The following KLHL22 variants were observed in gnomAD, a reference collection of about 807,000 sequenced individuals.
The protein encoded by KLHL22 is kelch-like protein 22.
KLHL22 carries 18 observed loss-of-function variants against 60.7 expected under a neutral mutation model. That is an observed-to-expected ratio of 0.30 (90% CI 0.20 to 0.44). KLHL22 has a LOEUF of 0.44. Ranked by LOEUF, KLHL22 falls within the 20% of genes least tolerant of loss-of-function variation. The pLI is 1.00. For missense variants in KLHL22, 596 were observed against 852.3 expected (o/e 0.70, Z 3.74); for synonymous variants, 355 against 354.5 (o/e 1.00, Z -0.01).
At chr22:20,477,021 C>A (rs887331114) in intron 2 of KLHL22, among the ~76,000 whole-genome samples, 1 of 151,226 alleles carries the variant, frequency 6.6e-6, no homozygotes, top group Non-Finnish European at 1.5e-5. Context: ...CAAACTTTTA[C>A]CATTTTAAGA....
chr22:20,486,184 A>AG (rs2053584925), intron 2 of KLHL22, among the ~76,000 whole-genome samples: 1 of 151,704 alleles, frequency 6.6e-6, no homozygotes, highest in South Asian at 2.1e-4. Flanking sequence ...AAAAAAAAAA[A>AG]AGAAATTTAT....
rs2053211572 is a variant in KLHL22, at chr22:20,465,079, G to A, written c.891C>T (p.Phe297=). Residue 297 remains phenylalanine (F), a synonymous_variant, in exon 4 of 7, where the codon TTC becomes TTT. Coordinates refer to ENST00000328879, the MANE Select transcript of KLHL22 (RefSeq NM_032775.4). This position sits in a 1 kb window ranked among gnomAD's most constrained non-coding sequence, Gnocchi z 4.9. ...TGCCCCCGAAGCCCACAACGCACTG[G>A]AAGTCCGACCGCAGCTCCGTTTGCG... ...QSPQTELRSD[F]QCVVGFGGIH... The A allele has an allele frequency of 5.0e-6, 8 of 1,613,330 alleles. No homozygotes were observed. Among genetic ancestry groups the A allele is most frequent in the Admixed American group, 1.7e-5 (1 of 59,988 alleles).
At chr22:20,455,595 A>G (rs993750933) in intron 5 of KLHL22, among the ~76,000 whole-genome samples, 19 of 151,830 alleles carry the variant, frequency 1.3e-4, no homozygotes, top group African/African-American at 4.4e-4. Flanking sequence ...AAAAGTCCCA[A>G]CCCCTCTTTC....
intron 2 of KLHL22, chr22:20,488,679 T>TTAGGGAGGGGAGGGGAGGGGAGAGG: frequency 9.3e-6 from 2 of 214,840 alleles, no homozygotes; most frequent in Non-Finnish European, 8.6e-6. Flanking sequence ...GGAGGAATGG[T>TTAGGGAGGGGAGGGGAGGGGAGAGG]AAGGGAGGGG....
At chr22:20,451,184 A>G in intron 5 of KLHL22, 1 of 1,595,202 alleles carries the variant, frequency 6.3e-7, no homozygotes, top group African/African-American at 1.3e-5. Flanking sequence ...GCAGATGAGG[A>G]TGGGGTCTGG....
rs1010540839 is a variant in KLHL22, at chr22:20,495,462, G to C, written c.-34+298C>G. 3.3e-5 allele frequency among the ~76,000 whole-genome samples: 5 copies of C among 151,998 alleles called. No homozygotes were observed. The highest frequency in any genetic ancestry group is 7.4e-5 in the Non-Finnish European group (5 of 67,972). ...CGCAGGCAACAGGGCCCGCCCGGGT[G>C]CCAGGAGGCCGGCGCGCCAGCAGCC... On this transcript the variant is annotated intron_variant, in intron 1 of 6. Transcript: ENST00000328879. The surrounding 1 kb of genome is among the most constrained non-coding windows in gnomAD (Gnocchi z 4.6).
chr22:20,462,827 G>A (rs2053177330), intron 4 of KLHL22, among the ~76,000 whole-genome samples: 1 of 152,154 alleles, frequency 6.6e-6, no homozygotes, highest in Non-Finnish European at 1.5e-5. Flanking sequence ...AAGAGAAAAA[G>A]TAGTATATTG....
chr22:20,482,577 T>C (rs527990530), intron 2 of KLHL22, among the ~76,000 whole-genome samples: 1 of 152,108 alleles, frequency 6.6e-6, no homozygotes, highest in South Asian at 2.1e-4. Flanking sequence ...TTGTTTGTTT[T>C]TCTTTTTTTT....
chr22:20,466,944 C>A (rs980160680), intron 3 of KLHL22, among the ~76,000 whole-genome samples: 1 of 152,362 alleles, frequency 6.6e-6, no homozygotes, highest in East Asian at 1.9e-4. Flanking sequence ...AGGCCACAAC[C>A]AGCAGGCTGT....
chr22:20,465,183 G>T lies in KLHL22; in HGVS notation c.787C>A (p.Pro263Thr). The change falls in exon 4 of 7, where the codon CCC (proline) becomes ACC (threonine). Residue 263 changes from proline (P) to threonine (T), a missense_variant. Pro to Thr is a conservative substitution (Grantham distance 38, BLOSUM62 -1). Coordinates refer to ENST00000328879, the MANE Select transcript of KLHL22 (RefSeq NM_032775.4). This position sits in a 1 kb window ranked among gnomAD's most constrained non-coding sequence, Gnocchi z 4.9. ...VLQRLHDKLD[P>T]SPLRDTVASA... is the part of the protein sequence containing the mutation. ...GCCACTGTGTCCCTCAAAGGGCTGG[G>T]GTCCAGCTTGTCATGCAGCCGCTGC... is the stretch of plus-strand genomic sequence containing the variant. 6.2e-7 allele frequency: 1 copy of T among 1,613,826 alleles called. No homozygotes were observed. The highest frequency in any genetic ancestry group is 8.5e-7 in the Non-Finnish European group (1 of 1,179,998).
intron 5 of KLHL22, chr22:20,451,842 TCCAGAGC>T (rs1569124366): frequency 1.3e-6 from 2 of 1,597,272 alleles, no homozygotes; most frequent in East Asian, 2.2e-5. Context: ...TGGAGCACCA[TCCAGAGC>T]TAGTGACCAG....
chr22:20,470,676 A>ATGGG (rs1333250146), intron 3 of KLHL22, among the ~76,000 whole-genome samples: 4 of 143,960 alleles, frequency 2.8e-5, no homozygotes, highest in East Asian at 2.4e-4. Flanking sequence ...GGATGGATGG[A>ATGGG]TGGGTGGATG....
At chr22:20,458,541 G>A (rs1043776462) in intron 4 of KLHL22, among the ~76,000 whole-genome samples, 8 of 146,242 alleles carry the variant, frequency 5.5e-5, no homozygotes, top group South Asian at 2.2e-4. Context: ...ATGGCTGTTC[G>A]TACAGCCACT....
At chr22:20,447,106 TA>T (rs2052878146) in intron 5 of KLHL22, among the ~76,000 whole-genome samples, 1 of 152,326 alleles carries the variant, frequency 6.6e-6, no homozygotes, top group African/African-American at 2.4e-5. Flanking sequence ...ACCCTGCTTT[TA>T]AAATGTTTGT....
chr22:20,458,932 C>T (rs2053110894), intron 4 of KLHL22, among the ~76,000 whole-genome samples: 1 of 152,102 alleles, frequency 6.6e-6, no homozygotes, highest in South Asian at 2.1e-4. Context: ...TTCCAGGGAC[C>T]CCCATGGGAG....
intron 1 of KLHL22, among the ~76,000 whole-genome samples, chr22:20,493,729 G>A (rs1253466489): frequency 2.0e-5 from 3 of 152,046 alleles, no homozygotes; most frequent in Non-Finnish European, 4.4e-5. Flanking sequence ...ATGACAGTGC[G>A]AGACTCCGTC....
At chr22:20,455,004 C>G (rs2053040217) in intron 5 of KLHL22, among the ~76,000 whole-genome samples, 1 of 152,134 alleles carries the variant, frequency 6.6e-6, no homozygotes, top group Non-Finnish European at 1.5e-5. Flanking sequence ...GCCTCAGCCT[C>G]CTGAGTAGCT....
chr22:20,495,170 C>T lies in KLHL22; in HGVS notation c.-34+590G>A, dbSNP rs1601402244. Among the ~76,000 whole-genome samples, 1 of 152,228 alleles carries T rather than the reference C, an allele frequency of 6.6e-6. No individual in the cohort carries two copies. Among genetic ancestry groups the T allele is most frequent in the Non-Finnish European group, 1.5e-5 (1 of 68,038 alleles). On this transcript the variant is annotated intron_variant, in intron 1 of 6. Transcript: ENST00000328879. The surrounding 1 kb of genome is among the most constrained non-coding windows in gnomAD (Gnocchi z 4.6). ...CGGTGCCCCGCTGCCCGCCCCAGAT[C>T]CACTCGGCTCGGCCCGCACCGGATC...
At chr22:20,449,731 A>G (rs1408894827) in intron 5 of KLHL22, among the ~76,000 whole-genome samples, 1 of 152,140 alleles carries the variant, frequency 6.6e-6, no homozygotes, top group Non-Finnish European at 1.5e-5. Context: ...AGAGTTGTTT[A>G]TATATGTATT....
Sources: gnomAD v4.1 joint callset for allele counts (sites outside exome capture counted in the v4.1 genomes callset) on GRCh38, gnomAD v4.1.1 for gene constraint, Gnocchi (gnomAD v3.1) non-coding constraint, MANE v1.5 for transcripts, NCBI Gene and HGNC (gene_info 2026-07-23, HGNC 2026-07-21) for gene names.